Variants in FAM20A observed in about 807,000 individuals in gnomAD.
FAM20A encodes pseudokinase FAM20A.
A neutral mutation model predicts 52.0 loss-of-function variants in FAM20A; 42 were observed. The ratio of observed to expected loss-of-function variants is 0.81; its 90% CI spans 0.63 to 1.04. The LOEUF (loss-of-function observed/expected upper bound fraction) is 1.04. Among genes scored for constraint, FAM20A ranks in the 50% least tolerant of loss-of-function variants. The pLI is 0.00. For missense variants in FAM20A, 742 were observed against 712.7 expected (o/e 1.04, Z -0.47); for synonymous variants, 304 against 298.9 (o/e 1.02, Z -0.18).
chr17:68,585,286 C>T (rs1274048649), intron 1 of FAM20A, among the ~76,000 whole-genome samples: 1 of 141,982 alleles, frequency 7.0e-6, no homozygotes, highest in African/African-American at 2.9e-5. Context: ...ATTGGTAAAT[C>T]TATTTCTTTT....
chr17:68,573,921 G>T (rs931543167), intron 1 of FAM20A, among the ~76,000 whole-genome samples: 1 of 151,370 alleles, frequency 6.6e-6, no homozygotes, highest in African/African-American at 2.4e-5. Context: ...CAGGTGATCC[G>T]CCTGCCTCAG....
intron 3 of FAM20A, 80 bp from the exon 4 acceptor site, chr17:68,552,031 A>T (rs1568738253): frequency 1.1e-6 from 1 of 902,364 alleles, no homozygotes; most frequent in Non-Finnish European, 1.8e-6. Flanking sequence ...CAATAAGCCC[A>T]GCTGACTTCG....
rs2086360616 is a variant in FAM20A at position 68,542,699 on chromosome 17, G to A, written c.923C>T (p.Ser308Phe). 6.2e-7 allele frequency: 1 copy of A among 1,612,606 alleles called. No individual in the cohort carries two copies. Among genetic ancestry groups the A allele is most frequent in the African/African-American group, 1.3e-5 (1 of 74,880 alleles). ...NEILQSVFFV[S>F]PASNVCFFAK... Reference sequence around the variant, plus strand: ...CACTCGGGCCAGTACTCTACCTGGAGAGACAAAGAAAACACTCTGCAGGAT... The same window carrying A: ...CACTCGGGCCAGTACTCTACCTGGAAAGACAAAGAAAACACTCTGCAGGAT... The change falls in exon 6 of 11, where the codon TCT (serine) becomes TTT (phenylalanine). Residue 308 changes from serine (S) to phenylalanine (F), a missense_variant. Physicochemically the swap from Ser to Phe is radical, Grantham distance 155 (BLOSUM62 -2). Coordinates refer to ENST00000592554, the MANE Select transcript of FAM20A (RefSeq NM_017565.4).
chr17:68,601,095 C>T lies in FAM20A; in HGVS notation c.-429G>A, dbSNP rs2088612002. On this transcript the variant is annotated 5_prime_UTR_variant, in exon 1 of 11. Coordinates refer to ENST00000592554, the MANE Select transcript of FAM20A (RefSeq NM_017565.4). ...GGACGGAGGCCGCCGGCTGCAAAGC[C>T]CGGGGCGTCTCTCCTGAGGATGCTG... 1 of 151,814 alleles carries T rather than the reference C, an allele frequency of 6.6e-6. No individual in the cohort carries two copies. The highest frequency in any genetic ancestry group is 2.4e-5 in the African/African-American group (1 of 41,396). 9.4% of individuals were successfully genotyped at this position (151,814 alleles called of 1,614,324 possible).
chr17:68,566,729 A>C (rs1194860638), intron 1 of FAM20A, among the ~76,000 whole-genome samples: 2 of 152,236 alleles, frequency 1.3e-5, no homozygotes, highest in African/African-American at 4.8e-5. Context: ...TAACTCCAAA[A>C]TAATTTAATT....
rs1278192751 is a variant in FAM20A, at chr17:68,537,410, A to G, written c.*67T>C. ...CAGTAACAGGTGGGAGTGAGGACGC[A>G]GGGTCGGCACTCGAGTCGACTGCTC... On this transcript the variant is annotated 3_prime_UTR_variant, in exon 11 of 11. Transcript: ENST00000592554. This position sits in a 1 kb window ranked among gnomAD's most constrained non-coding sequence, Gnocchi z 4.2. 1 of 1,601,180 alleles carries G rather than the reference A, an allele frequency of 6.2e-7. No homozygotes were observed. Among genetic ancestry groups the G allele is most frequent in the East Asian group, 2.2e-5 (1 of 44,826 alleles).
At chr17:68,588,744 C>A (rs1309045916) in intron 1 of FAM20A, among the ~76,000 whole-genome samples, 1 of 152,176 alleles carries the variant, frequency 6.6e-6, no homozygotes, top group African/African-American at 2.4e-5. Context: ...TCTTAAAAGG[C>A]CCTGTCACCA....
intron 1 of FAM20A, among the ~76,000 whole-genome samples, chr17:68,577,187 A>G (rs946690045): frequency 6.6e-6 from 1 of 152,224 alleles, no homozygotes. Context: ...AGGCTTGCAG[A>G]AGTCCTGCCA....
chr17:68,593,101 T>G (rs184600597), intron 1 of FAM20A, among the ~76,000 whole-genome samples: 2 of 152,374 alleles, frequency 1.3e-5, no homozygotes, highest in East Asian at 3.9e-4. Flanking sequence ...GTGGTTTTCA[T>G]TAAGTGCATA....
intron 7 of FAM20A, chr17:68,541,679 G>A (rs965869356): frequency 1.8e-5 from 5 of 278,852 alleles, no homozygotes; most frequent in East Asian, 7.2e-5. Flanking sequence ...CTGTGTTTTC[G>A]TGATCTGGCT....
intron 1 of FAM20A, among the ~76,000 whole-genome samples, chr17:68,594,355 C>T (rs4968903): frequency 0.51 from 77,218 of 150,456 alleles, 20,107 homozygotes; most frequent in South Asian, 0.55. Flanking sequence ...GCCGAGATCG[C>T]GCCACTGCAC....
intron 1 of FAM20A, among the ~76,000 whole-genome samples, chr17:68,584,056 C>T (rs2088092856): frequency 6.6e-6 from 1 of 152,216 alleles, no homozygotes; most frequent in African/African-American, 2.4e-5. Flanking sequence ...GTGGCTCACG[C>T]CTGTATTCTC....
Position 68,572,001 on chromosome 17 carries a change from T to C in FAM20A, c.405-16258A>G, listed in dbSNP as rs1455225804. Among the ~76,000 whole-genome samples, 382 of 88,608 alleles carry C rather than the reference T, an allele frequency of 4.3e-3. 9 individuals carry two copies. The highest frequency in any genetic ancestry group is 0.018 in the African/African-American group (355 of 19,930). The allele number at this position is 88,608 out of a possible 152,430, so 58.1% of individuals were successfully genotyped here. On this transcript the variant is annotated intron_variant, in intron 1 of 10. Transcript: ENST00000592554. ...GTATATACATACATATATATATATA[T>C]ATATATATATATATATATATATATA...
intron 4 of FAM20A, 136 bp downstream of exon 4, chr17:68,551,737 A>G: frequency 1.7e-6 from 1 of 591,820 alleles, no homozygotes; most frequent in Non-Finnish European, 3.2e-6. Context: ...CACCCCAAAC[A>G]GTTCTGTGCT....
At chr17:68,567,095 A>AT (rs1168622961) in intron 1 of FAM20A, among the ~76,000 whole-genome samples, 1 of 151,782 alleles carries the variant, frequency 6.6e-6, no homozygotes, top group Non-Finnish European at 1.5e-5. Flanking sequence ...GGACTCATAA[A>AT]TTTTTTCTTC....
Position 68,578,970 on chromosome 17 carries a change from G to A in FAM20A, c.404+21293C>T, listed in dbSNP as rs1271321776. ...GCAGAGGTTGCAATGAGCAGAGATC[G>A]CGCCACTGCACTCCAGCCTGGTGAC... On this transcript the variant is annotated intron_variant, in intron 1 of 10. Coordinates refer to ENST00000592554, the MANE Select transcript of FAM20A (RefSeq NM_017565.4). Among the ~76,000 whole-genome samples, 10 of 149,874 alleles carry A rather than the reference G, an allele frequency of 6.7e-5. 1 individual carries two copies. Among genetic ancestry groups the A allele is most frequent in the South Asian group, 4.2e-4 (2 of 4,712 alleles).
In FAM20A at chr17:68,537,716, G is replaced by A. The variant is rs749033941; in HGVS notation, c.1387C>T (p.Leu463=). 6.8e-6 allele frequency: 11 copies of A among 1,612,938 alleles called. No individual in the cohort carries two copies. The South Asian group carries it at 1.1e-4, about 16-fold the overall frequency. ...CMIKKKTLLH[L]QLLAQADYRL... ...TAGTCAGCTTGGGCCAGCAGCTGCA[G>A]GTGCAAAAGTGTTTTCTTTTTTATC... Residue 463 remains leucine (L), a synonymous_variant, in exon 11 of 11, where the codon CTG becomes TTG. Transcript: ENST00000592554. This position sits in a 1 kb window ranked among gnomAD's most constrained non-coding sequence, Gnocchi z 4.2.
intron 1 of FAM20A, among the ~76,000 whole-genome samples, chr17:68,577,763 A>G (rs1255347512): frequency 6.6e-6 from 1 of 152,226 alleles, no homozygotes; most frequent in South Asian, 2.1e-4. Flanking sequence ...CACTCCTTCT[A>G]TAGCTTCTGC....
intron 7 of FAM20A, chr17:68,541,261 C>T (rs541268396): frequency 7.5e-6 from 3 of 401,794 alleles, no homozygotes; most frequent in Admixed American, 3.6e-5. Context: ...CACCTGCTTC[C>T]TCGTCCCTCC....
Sources: gnomAD v4.1 joint callset for allele counts (sites outside exome capture counted in the v4.1 genomes callset) on GRCh38, gnomAD v4.1.1 for gene constraint, Gnocchi (gnomAD v3.1) non-coding constraint, MANE v1.5 for transcripts, NCBI Gene and HGNC (gene_info 2026-07-23, HGNC 2026-07-21) for gene names.